Variants in TRAF5 observed in about 807,000 individuals in gnomAD.
TRAF5 encodes TNF receptor associated factor 5, also known as TNF receptor-associated factor 5.
Under a neutral mutation model 64.5 loss-of-function variants are expected in TRAF5, and 48 were observed. The observed-to-expected ratio is 0.74, with a 90% CI of 0.59 to 0.95. The LOEUF is 0.95. TRAF5 is among the 40% of genes least tolerant of loss of function. The pLI, the probability that TRAF5 is intolerant of heterozygous loss-of-function variation, is 0.00. For missense variants in TRAF5, 545 were observed against 662.8 expected (o/e 0.82, Z 1.95); for synonymous variants, 206 against 240.5 (o/e 0.86, Z 1.33).
chr1:211,372,576 CAT>C lies in TRAF5; in HGVS notation c.1549_1550del (p.Ile517CysfsTer22), dbSNP rs762597749. The C allele has an allele frequency of 6.2e-6, 10 of 1,614,160 alleles. No homozygotes were observed. Among genetic ancestry groups the C allele is most frequent in the Non-Finnish European group, 7.6e-6 (9 of 1,180,022 alleles). On this transcript the variant is annotated frameshift_variant, in exon 11 of 11. Transcript: ENST00000261464. LOFTEE classifies it high-confidence loss of function. ...SFKRPDGEMNIASGCPRFVAH... is the reference protein window; with the variant it reads ...SFKRPDGEMNXASGCPRFVAH... ...TTAAAAGACCTGATGGGGAGATGAA[CAT>C]TGCATCTGGCTGTCCCCGCTTTGTG...
chr1:211,330,057 G>C (rs1384275499), intron 1 of TRAF5, among the ~76,000 whole-genome samples: 1 of 152,228 alleles, frequency 6.6e-6, no homozygotes, highest in Non-Finnish European at 1.5e-5. Flanking sequence ...AGTCCTGACA[G>C]AGGAACTCAG....
chr1:211,360,859 C>A, intron 6 of TRAF5, 80 bp downstream of exon 6: 1 of 1,361,930 alleles, frequency 7.3e-7, no homozygotes, highest in Non-Finnish European at 1.0e-6. Flanking sequence ...TTGATACAGT[C>A]CCAAAGATAA....
At chr1:211,365,556 T>C in intron 8 of TRAF5, 88 bp downstream of exon 8, 1 of 1,058,440 alleles carries the variant, frequency 9.4e-7, no homozygotes, top group Non-Finnish European at 1.4e-6. Flanking sequence ...TATTCTCCCC[T>C]GTTTCAGTAT....
intron 1 of TRAF5, among the ~76,000 whole-genome samples, chr1:211,328,483 G>A (rs1450183024): frequency 6.6e-6 from 1 of 152,186 alleles, no homozygotes; most frequent in African/African-American, 2.4e-5. Flanking sequence ...CTGTTGTGAC[G>A]GGCAGGGTAG....
chr1:211,328,482 C>T (rs1702075123), intron 1 of TRAF5, among the ~76,000 whole-genome samples: 1 of 152,112 alleles, frequency 6.6e-6, no homozygotes, highest in Admixed American at 6.5e-5. Flanking sequence ...CCTGTTGTGA[C>T]GGGCAGGGTA....
At position 211,352,267 on chromosome 1, in the gene TRAF5, C is replaced by G. The variant is rs958935939; in HGVS notation, c.-1-972C>G. On this transcript the variant is annotated intron_variant, in intron 1 of 10. Coordinates refer to ENST00000261464, the MANE Select transcript of TRAF5 (RefSeq NM_001033910.3). ...TGGCAGTAGGCAAAATGAGAGAGAG[C>G]TTGTGCAGGGAAACTCCACCTTATA... Among the ~76,000 whole-genome samples, 3 of 151,966 alleles carry G rather than the reference C, an allele frequency of 2.0e-5. No individual in the cohort carries two copies. The South Asian group carries it at 6.2e-4, about 32-fold the overall frequency.
chr1:211,340,052 T>C (rs1295027830), intron 1 of TRAF5, among the ~76,000 whole-genome samples: 1 of 152,220 alleles, frequency 6.6e-6, no homozygotes, highest in African/African-American at 2.4e-5. Context: ...TAAATACTCA[T>C]TGGCATTTCT....
chr1:211,326,777 G>C, upstream of TRAF5: 3 of 984,466 alleles, frequency 3.0e-6, no homozygotes, highest in South Asian at 1.4e-4. This position sits in a 1 kb window ranked among gnomAD's most constrained non-coding sequence, Gnocchi z 5.0. Context: ...CTCCGCCCGC[G>C]CCCCGGCCCC....
chr1:211,341,471 A>G (rs1288399071), intron 1 of TRAF5, among the ~76,000 whole-genome samples: 1 of 152,202 alleles, frequency 6.6e-6, no homozygotes, highest in African/African-American at 2.4e-5. Flanking sequence ...CAGGCTGTAT[A>G]TGGCCTCATA....
chr1:211,367,302 G>C (rs560153652), intron 8 of TRAF5, among the ~76,000 whole-genome samples: 2 of 152,320 alleles, frequency 1.3e-5, no homozygotes, highest in African/African-American at 4.8e-5. Context: ...CAATTGATAA[G>C]AGTGAAGGCT....
intron 4 of TRAF5, chr1:211,359,201 C>T (rs1343547555): frequency 6.6e-6 from 1 of 152,144 alleles, no homozygotes. Context: ...AGTGATCCTC[C>T]CATCTCAGCC....
chr1:211,370,521 T>C (rs1408178965), intron 9 of TRAF5, among the ~76,000 whole-genome samples: 1 of 152,176 alleles, frequency 6.6e-6, no homozygotes, highest in Admixed American at 6.6e-5. Context: ...AATGGAGTTA[T>C]GTCCTGATAA....
intron 1 of TRAF5, among the ~76,000 whole-genome samples, chr1:211,332,031 C>G (rs1057000981): frequency 3.3e-5 from 5 of 152,094 alleles, no homozygotes; most frequent in African/African-American, 1.2e-4. Flanking sequence ...AGGTAGACCT[C>G]AGGGGCCAGG....
intron 1 of TRAF5, among the ~76,000 whole-genome samples, chr1:211,337,062 G>T (rs988641969): frequency 1.3e-5 from 2 of 152,250 alleles, no homozygotes; most frequent in African/African-American, 4.8e-5. Context: ...TGGGACTTCA[G>T]TACCCAAAGA....
chr1:211,369,517 A>T lies in TRAF5; in HGVS notation c.855A>T (p.Ile285=). 6.2e-7 allele frequency: 1 copy of T among 1,611,896 alleles called. No individual in the cohort carries two copies. Among genetic ancestry groups the T allele is most frequent in the Non-Finnish European group, 8.5e-7 (1 of 1,179,280 alleles). ...ESKIQQLAET[I]KKLEKEFKQF... is the part of the protein sequence containing the mutation. ...AAATCCAGCAGCTAGCAGAAACTAT[A>T]AAGAAACTTGAAAAGGAGTTCAAGC... Residue 285 remains isoleucine, a synonymous_variant, in exon 9 of 11, where the codon ATA becomes ATT. Coordinates refer to ENST00000261464, the MANE Select transcript of TRAF5 (RefSeq NM_001033910.3).
At position 211,369,453 on chromosome 1, in the gene TRAF5, T is replaced by G; in HGVS notation, c.791T>G (p.Ile264Ser). The change falls in exon 9 of 11, where the codon ATT (isoleucine) becomes AGT (serine). Residue 264 changes from isoleucine to serine, a missense_variant and splice_region_variant. Coordinates refer to ENST00000261464, the MANE Select transcript of TRAF5 (RefSeq NM_001033910.3). ...LEKNVQLEEQ[I>S]SDLHKSLEQK... ...TTTTCCTCACGTTCCTGTTATTAGATTTCTGACTTACACAAGAGCCTAGAA... is the reference window on the plus strand; with the variant it reads ...TTTTCCTCACGTTCCTGTTATTAGAGTTCTGACTTACACAAGAGCCTAGAA... 6.3e-7 allele frequency: 1 copy of G among 1,578,024 alleles called. No homozygotes were observed. The highest frequency in any genetic ancestry group is 8.6e-7 in the Non-Finnish European group (1 of 1,168,682).
intron 1 of TRAF5, among the ~76,000 whole-genome samples, chr1:211,329,878 G>A (rs574388895): frequency 3.9e-5 from 6 of 152,314 alleles, no homozygotes; most frequent in Admixed American, 2.6e-4. Context: ...TGCTGCTGCC[G>A]CTGCCACCAC....
At chr1:211,364,773 A>G (rs1261308392) in intron 7 of TRAF5, among the ~76,000 whole-genome samples, 5 of 152,214 alleles carry the variant, frequency 3.3e-5, no homozygotes, top group African/African-American at 1.2e-4. Flanking sequence ...GAGAGATGAT[A>G]ATAACTACGC....
intron 8 of TRAF5, 86 bp downstream of exon 8, chr1:211,365,554 C>A: frequency 9.1e-7 from 1 of 1,095,196 alleles, no homozygotes; most frequent in South Asian, 1.5e-5. Flanking sequence ...TCTATTCTCC[C>A]CTGTTTCAGT....
Sources: allele counts gnomAD v4.1 joint callset (sites outside exome capture counted in the v4.1 genomes callset), GRCh38; gene constraint gnomAD v4.1.1; non-coding constraint Gnocchi (gnomAD v3.1); transcripts MANE v1.5; gene names NCBI Gene and HGNC (gene_info 2026-07-23, HGNC 2026-07-21).